PAX7: variants seen among roughly 807,000 people sequenced by gnomAD.
The protein encoded by PAX7 is paired box 7.
Under a neutral mutation model 50.7 loss-of-function variants are expected in PAX7, and 18 were observed. The ratio of observed to expected loss-of-function variants is 0.36; its 90% CI spans 0.25 to 0.53. The LOEUF is 0.53. Among genes scored for constraint, PAX7 ranks in the 20% least tolerant of loss-of-function variants. The pLI is 0.93. For synonymous variants in PAX7, 310 were observed against 290.4 expected, an observed-to-expected ratio of 1.07 and a Z score of -0.69; for missense variants, 644 against 702.9, an observed-to-expected ratio of 0.92 and a Z score of 0.95.
rs2088121620 is a variant in PAX7, at chr1:18,634,919, A to AC, written c.322-187dup. Among the ~76,000 whole-genome samples, 2 of 151,540 alleles carry AC rather than the reference A, an allele frequency of 1.3e-5. No individual in the cohort carries two copies. Among genetic ancestry groups the AC allele is most frequent in the African/African-American group, 4.9e-5 (2 of 41,216 alleles). On this transcript the variant is annotated intron_variant, in intron 2 of 8. Coordinates refer to ENST00000420770, the MANE Select transcript of PAX7 (RefSeq NM_001135254.2). This position sits in a 1 kb window ranked among gnomAD's most constrained non-coding sequence, Gnocchi z 4.0. ...GTCCCACCCCACCCCACCTGGCCAGACCCCCAGCTGCCTTCCTGGGAGCCA... is the reference window on the plus strand; with the variant it reads ...GTCCCACCCCACCCCACCTGGCCAGACCCCCCAGCTGCCTTCCTGGGAGCCA...
At position 18,689,902 on chromosome 1, in the gene PAX7, G is replaced by T. The variant is rs58957775; in HGVS notation, c.587-1852G>T. ...GCGGGGAGGAGGGGGTTGCCCCTTG[G>T]GGGAGGGGCCTAGGCCTATTCCTAT... On this transcript the variant is annotated intron_variant, in intron 4 of 8. Coordinates refer to ENST00000420770, the MANE Select transcript of PAX7 (RefSeq NM_001135254.2). 4.2e-3 allele frequency among the ~76,000 whole-genome samples: 638 copies of T among 152,350 alleles called. 3 individuals are homozygous for T. The highest frequency in any genetic ancestry group is 0.014 in the African/African-American group (592 of 41,572).
chr1:18,674,785 T>C (rs1034691866), intron 4 of PAX7, among the ~76,000 whole-genome samples: 1 of 152,226 alleles, frequency 6.6e-6, no homozygotes, highest in Non-Finnish European at 1.5e-5. Flanking sequence ...GTCCTGTTTA[T>C]TTGCTGATGC....
chr1:18,729,835 C>G (rs531669073), intron 7 of PAX7, among the ~76,000 whole-genome samples: 1 of 152,312 alleles, frequency 6.6e-6, no homozygotes, highest in South Asian at 2.1e-4. Flanking sequence ...TTCCAGTGTG[C>G]AGGCCCCAGC....
chr1:18,640,388 G>T (rs572105722), intron 4 of PAX7, among the ~76,000 whole-genome samples: 12 of 151,848 alleles, frequency 7.9e-5, no homozygotes, highest in Admixed American at 7.2e-4. Context: ...AGGGGAAGGG[G>T]GGCACGGCTC....
intron 4 of PAX7, among the ~76,000 whole-genome samples, chr1:18,652,875 C>A (rs748652647): frequency 3.3e-5 from 5 of 152,194 alleles, no homozygotes; most frequent in Non-Finnish European, 5.9e-5. Flanking sequence ...GCTCTATACA[C>A]CTCCCTTAAC....
intron 5 of PAX7, among the ~76,000 whole-genome samples, chr1:18,696,072 T>TC (rs2089146217): frequency 6.7e-6 from 1 of 150,294 alleles, no homozygotes; most frequent in African/African-American, 2.4e-5. Context: ...TTTCTTTTTT[T>TC]TTTTTTTTTT....
intron 4 of PAX7, among the ~76,000 whole-genome samples, chr1:18,668,623 G>C (rs1323688053): frequency 6.6e-6 from 1 of 152,234 alleles, no homozygotes; most frequent in Non-Finnish European, 1.5e-5. Flanking sequence ...AGGATGGCAT[G>C]AGCCTGGGAG....
chr1:18,738,957 C>A (rs1930970398), intron 8 of PAX7, among the ~76,000 whole-genome samples: 1 of 152,210 alleles, frequency 6.6e-6, no homozygotes, highest in Non-Finnish European at 1.5e-5. Flanking sequence ...TAACCACTTG[C>A]CCCACATCCC....
intron 7 of PAX7, among the ~76,000 whole-genome samples, chr1:18,715,156 G>T (rs1047971118): frequency 2.0e-5 from 3 of 152,062 alleles, no homozygotes; most frequent in African/African-American, 4.8e-5. Context: ...TGCTCCCTTG[G>T]CCGGGAACAC....
Position 18,636,730 on chromosome 1 carries a change from ATTAT to A in PAX7, c.586+364_586+367del, listed in dbSNP as rs2088164333. On this transcript the variant is annotated intron_variant, in intron 4 of 8. Transcript: ENST00000420770. This position sits in a 1 kb window ranked among gnomAD's most constrained non-coding sequence, Gnocchi z 5.1. ...TGGCTGCTACTCTCGGCGTCGATCA[ATTAT>A]TTATAGGAAACTTGGGCAAGGGGGC... Among the ~76,000 whole-genome samples, 1 of 141,212 alleles carries A rather than the reference ATTAT, an allele frequency of 7.1e-6. No homozygotes were observed. The highest frequency in any genetic ancestry group is 2.6e-4 in the South Asian group (1 of 3,788). 92.6% of individuals were successfully genotyped at this position (141,212 alleles called of 152,430 possible).
At chr1:18,676,270 T>C (rs769152892) in intron 4 of PAX7, among the ~76,000 whole-genome samples, 2 of 152,064 alleles carry the variant, frequency 1.3e-5, no homozygotes, top group Non-Finnish European at 2.9e-5. Context: ...CAGAAATTTG[T>C]CCACATTTTT....
chr1:18,642,133 T>C (rs1286062025), intron 4 of PAX7, among the ~76,000 whole-genome samples: 1 of 151,240 alleles, frequency 6.6e-6, no homozygotes, highest in African/African-American at 2.4e-5. Context: ...CATTACATTA[T>C]ATATAAATAA....
intron 6 of PAX7, among the ~76,000 whole-genome samples, chr1:18,701,171 T>G (rs2089215009): frequency 6.6e-6 from 1 of 152,208 alleles, no homozygotes; most frequent in Non-Finnish European, 1.5e-5. Flanking sequence ...GACCAGGCTT[T>G]GAGCAGCGAG....
intron 5 of PAX7, among the ~76,000 whole-genome samples, chr1:18,694,101 G>A (rs2089116970): frequency 6.6e-6 from 1 of 152,190 alleles, no homozygotes; most frequent in Admixed American, 6.5e-5. Flanking sequence ...CCCAGGGCAG[G>A]GCTGGATCTC....
At chr1:18,721,676 G>A (rs1390929746) in intron 7 of PAX7, among the ~76,000 whole-genome samples, 1 of 152,232 alleles carries the variant, frequency 6.6e-6, no homozygotes, top group Non-Finnish European at 1.5e-5. Flanking sequence ...CTTGATACCA[G>A]AGCCACTCAT....
At chr1:18,643,825 C>A (rs889184825) in intron 4 of PAX7, among the ~76,000 whole-genome samples, 2 of 152,176 alleles carry the variant, frequency 1.3e-5, no homozygotes, top group Non-Finnish European at 2.9e-5. Context: ...CGAGCTGGGC[C>A]GGCAGGGCGG....
chr1:18,663,972 G>T (rs1451615280), intron 4 of PAX7, among the ~76,000 whole-genome samples: 1 of 152,204 alleles, frequency 6.6e-6, no homozygotes, highest in Non-Finnish European at 1.5e-5. Context: ...GGTGAAATGG[G>T]GGCTTAGAAA....
chr1:18,696,446 C>T (rs560479104), intron 5 of PAX7, among the ~76,000 whole-genome samples: 1 of 152,242 alleles, frequency 6.6e-6, no homozygotes, highest in South Asian at 2.1e-4. Context: ...TCACCATGAC[C>T]CTGCGGGGTA....
chr1:18,651,215 T>C (rs914851563), intron 4 of PAX7, among the ~76,000 whole-genome samples: 8 of 152,102 alleles, frequency 5.3e-5, no homozygotes, highest in Non-Finnish European at 4.4e-5. Flanking sequence ...ATGCTTAAAA[T>C]GAGATGAAAG....
Sources: gnomAD v4.1 joint callset for allele counts (sites outside exome capture counted in the v4.1 genomes callset) on GRCh38, gnomAD v4.1.1 for gene constraint, Gnocchi (gnomAD v3.1) non-coding constraint, MANE v1.5 for transcripts, NCBI Gene and HGNC (gene_info 2026-07-23, HGNC 2026-07-21) for gene names.